Variants in PTGIS observed in about 807,000 individuals in gnomAD.
PTGIS encodes prostaglandin I2 synthase.
A neutral mutation model predicts 50.3 loss-of-function variants in PTGIS; 45 were observed. That is an observed-to-expected ratio of 0.90 (90% CI 0.70 to 1.15). The LOEUF (loss-of-function observed/expected upper bound fraction) is 1.15, where lower values mean the gene tolerates loss of function less well. Among genes scored for constraint, PTGIS ranks in the 50% most tolerant of loss-of-function variants. PTGIS has a pLI of 0.00. For missense variants in PTGIS, 668 were observed against 661.3 expected (o/e 1.01, Z -0.11); for synonymous variants, 260 against 267.7 (o/e 0.97, Z 0.28).
intron 5 of PTGIS, among the ~76,000 whole-genome samples, chr20:49,530,980 C>T (rs1981920280): frequency 6.6e-6 from 1 of 152,076 alleles, no homozygotes; most frequent in African/African-American, 2.4e-5. Context: ...AGGATGGTCT[C>T]GATCTCTTGA....
At chr20:49,558,174 A>G (rs1311191319) in intron 1 of PTGIS, among the ~76,000 whole-genome samples, 1 of 152,146 alleles carries the variant, frequency 6.6e-6, no homozygotes, top group Non-Finnish European at 1.5e-5. Flanking sequence ...GGATCTCTTG[A>G]TCCTAGGAGT....
intron 1 of PTGIS, among the ~76,000 whole-genome samples, chr20:49,552,708 C>A (rs1982543064): frequency 6.6e-6 from 1 of 152,142 alleles, no homozygotes; most frequent in Admixed American, 6.5e-5. Context: ...AACACTATAA[C>A]TTAACAGCAC....
chr20:49,536,286 TC>T (rs1177841623), intron 5 of PTGIS, among the ~76,000 whole-genome samples: 3 of 152,138 alleles, frequency 2.0e-5, no homozygotes, highest in Admixed American at 6.5e-5. Flanking sequence ...AGATTATGAT[TC>T]TCTCATAATG....
At chr20:49,544,565 G>T in intron 3 of PTGIS, 117 bp from the exon 4 acceptor site, 1 of 1,133,906 alleles carries the variant, frequency 8.8e-7, no homozygotes. Context: ...TGGCAAAGAG[G>T]TCCTGCGGAA....
intron 5 of PTGIS, among the ~76,000 whole-genome samples, chr20:49,532,270 T>C (rs763135787): frequency 3.9e-5 from 6 of 152,236 alleles, no homozygotes; most frequent in Non-Finnish European, 7.3e-5. Context: ...TTCCCATTAT[T>C]TGTCTATGTA....
intron 5 of PTGIS, among the ~76,000 whole-genome samples, chr20:49,527,024 T>C (rs1568674064): frequency 1.3e-5 from 2 of 152,170 alleles, no homozygotes; most frequent in Non-Finnish European, 2.9e-5. Flanking sequence ...CGTGCACCAA[T>C]GTTCATAGCA....
At position 49,534,021 on chromosome 20, in the gene PTGIS, C is replaced by G. The variant is rs113338452; in HGVS notation, c.673+5549G>C. The stretch of plus-strand genomic sequence containing the variant: ...ATGTATATATAGTGATATAGTATAC[C>G]CTCTGCCTGCAGCTTGCTCTTTTTT... On this transcript the variant is annotated intron_variant, in intron 5 of 9. Transcript: ENST00000244043. 3.7e-3 allele frequency among the ~76,000 whole-genome samples: 562 copies of G among 151,528 alleles called. 1 individual carries two copies. Among genetic ancestry groups the G allele is most frequent in the Non-Finnish European group, 6.1e-3 (414 of 67,854 alleles).
chr20:49,535,409 G>A (rs1982043797), intron 5 of PTGIS, among the ~76,000 whole-genome samples: 1 of 152,156 alleles, frequency 6.6e-6, no homozygotes, highest in Non-Finnish European at 1.5e-5. Context: ...CAATGAAATG[G>A]TATAAAAGCA....
At position 49,513,128 on chromosome 20, in the gene PTGIS, G is replaced by C; in HGVS notation, c.1158C>G (p.Phe386Leu). ...GGTCTCTCTGGGGGCTCAGGAAGGG[G>C]AAGAGGAGGAGGCGGTCACCACGTC... ...NLRRGDRLLLFPFLSPQRDPE... is the reference protein window; with the variant it reads ...NLRRGDRLLLLPFLSPQRDPE... The change falls in exon 8 of 10, where the codon TTC (phenylalanine) becomes TTG (leucine). Residue 386 changes from phenylalanine to leucine, a missense_variant. By Grantham distance (22) the Phe-to-Leu change is conservative. Coordinates refer to ENST00000244043, the MANE Select transcript of PTGIS (RefSeq NM_000961.4). 6.2e-7 allele frequency: 1 copy of C among 1,614,142 alleles called. No homozygotes were observed.
rs753281408 is a variant in PTGIS, at chr20:49,511,049, TA to T, written c.1336del (p.Tyr446MetfsTer21). The T allele has an allele frequency of 5.6e-6, 9 of 1,613,688 alleles. No individual in the cohort carries two copies. In the Admixed American group the frequency reaches 1.5e-4, roughly 27 times the overall value. ...TCACTGTTTGATGCTGTTGACCGCA[TA>T]ACTCCTCCCCAGGCAGTGATTGTGC... ...AGHNHCLGRS[Y>X]AVNSIKQFVF... On this transcript the variant is annotated frameshift_variant, in exon 9 of 10. Coordinates refer to ENST00000244043, the MANE Select transcript of PTGIS (RefSeq NM_000961.4). LOFTEE classifies it high-confidence loss of function.
At chr20:49,541,949 G>C (rs1042199612) in intron 4 of PTGIS, among the ~76,000 whole-genome samples, 1 of 152,128 alleles carries the variant, frequency 6.6e-6, no homozygotes, top group Non-Finnish European at 1.5e-5. Flanking sequence ...TGGGTCACAG[G>C]AGGGAGCCAT....
intron 2 of PTGIS, among the ~76,000 whole-genome samples, chr20:49,548,586 G>A (rs1367874321): frequency 6.6e-6 from 1 of 151,988 alleles, no homozygotes; most frequent in African/African-American, 2.4e-5. Context: ...ATGGATGGAA[G>A]GAAGAATGAA....
intron 5 of PTGIS, among the ~76,000 whole-genome samples, chr20:49,532,233 A>G (rs930639646): frequency 6.6e-6 from 1 of 152,186 alleles, no homozygotes; most frequent in Non-Finnish European, 1.5e-5. Context: ...AGTGTGTCTA[A>G]TAGAAAATTT....
In PTGIS at chr20:49,557,282, A is replaced by G. The variant is rs544916187; in HGVS notation, c.75-7093T>C. 1.1e-4 allele frequency among the ~76,000 whole-genome samples: 16 copies of G among 152,260 alleles called. No individual in the cohort carries two copies. In the South Asian group the frequency reaches 1.7e-3, roughly 16 times the overall value. On this transcript the variant is annotated intron_variant, in intron 1 of 9. Coordinates refer to ENST00000244043, the MANE Select transcript of PTGIS (RefSeq NM_000961.4). Reference sequence around the variant, plus strand: ...CATTTTCTTCTAAAATGCTTTCTCCAAAAGATCTTAAATAGAAAAGGGGGG... The same window carrying G: ...CATTTTCTTCTAAAATGCTTTCTCCGAAAGATCTTAAATAGAAAAGGGGGG...
At chr20:49,529,770 T>G (rs1489446781) in intron 5 of PTGIS, among the ~76,000 whole-genome samples, 3 of 152,218 alleles carry the variant, frequency 2.0e-5, no homozygotes, top group Non-Finnish European at 4.4e-5. Flanking sequence ...TGTGTTCAGG[T>G]AACCCTTATT....
Position 49,507,835 on chromosome 20 carries a change from A to T in PTGIS, c.*85T>A. 6.3e-7 allele frequency: 1 copy of T among 1,579,484 alleles called. No homozygotes were observed. The highest frequency in any genetic ancestry group is 8.6e-7 in the Non-Finnish European group (1 of 1,164,274). ...AATGCTAGCACCTGCACCCGGGCCA[A>T]CTGTGCACACAGAAAGCTGGGAGGC... On this transcript the variant is annotated 3_prime_UTR_variant, in exon 10 of 10. Coordinates refer to ENST00000244043, the MANE Select transcript of PTGIS (RefSeq NM_000961.4).
chr20:49,517,496 G>A (rs1353397907), intron 6 of PTGIS, among the ~76,000 whole-genome samples: 1 of 152,030 alleles, frequency 6.6e-6, no homozygotes, highest in Non-Finnish European at 1.5e-5. Flanking sequence ...AACCATAAGA[G>A]ATCCTGAATT....
At chr20:49,564,088 C>T (rs755948489) in intron 1 of PTGIS, among the ~76,000 whole-genome samples, 9 of 152,200 alleles carry the variant, frequency 5.9e-5, no homozygotes, top group Non-Finnish European at 1.3e-4. Flanking sequence ...TCATGTTCAC[C>T]GAATGGGGCT....
At chr20:49,536,408 C>G (rs1293407465) in intron 5 of PTGIS, among the ~76,000 whole-genome samples, 1 of 151,636 alleles carries the variant, frequency 6.6e-6, no homozygotes, top group African/African-American at 2.4e-5. Context: ...AACCTCGTAT[C>G]TGGCACATAG....
Sources: gnomAD v4.1 joint callset for allele counts (sites outside exome capture counted in the v4.1 genomes callset) on GRCh38, gnomAD v4.1.1 for gene constraint, MANE v1.5 for transcripts, NCBI Gene and HGNC (gene_info 2026-07-23, HGNC 2026-07-21) for gene names.